Variants in TLN2 observed in about 807,000 individuals in gnomAD.
The protein encoded by TLN2 is talin-2.
In TLN2, 118 loss-of-function variants were observed where a neutral mutation model predicts 294.7. That is an observed-to-expected ratio of 0.40 (90% CI 0.34 to 0.47). The LOEUF is 0.47. TLN2 is among the 20% of genes least tolerant of loss of function. The pLI is 0.84. For missense variants in TLN2, 3,083 were observed against 3,282.2 expected (o/e 0.94, Z 1.48); for synonymous variants, 1,431 against 1,304.5 (o/e 1.10, Z -2.09).
At chr15:62,537,180 G>T (rs1421473048) in intron 1 of TLN2, among the ~76,000 whole-genome samples, 1 of 151,940 alleles carries the variant, frequency 6.6e-6, no homozygotes, top group South Asian at 2.1e-4. Context: ...CACCACGCCC[G>T]GCTAATATTT....
chr15:62,662,090 A>G (rs995913273), intron 9 of TLN2, among the ~76,000 whole-genome samples: 1 of 152,180 alleles, frequency 6.6e-6, no homozygotes, highest in African/African-American at 2.4e-5. Context: ...TTTAAAAGAA[A>G]GTAATGAAAT....
chr15:62,715,902 T>TA, intron 22 of TLN2, among the ~76,000 whole-genome samples: 1 of 152,338 alleles, frequency 6.6e-6, no homozygotes, highest in Admixed American at 6.5e-5. Context: ...ACTGGACTCT[T>TA]ACCCCTTCAC....
intron 1 of TLN2, among the ~76,000 whole-genome samples, chr15:62,412,554 T>C (rs776890978): frequency 3.3e-5 from 5 of 152,214 alleles, no homozygotes; most frequent in Admixed American, 1.3e-4. Flanking sequence ...TTGGCATCCA[T>C]TAACTCTGTC....
chr15:62,756,140 G>C (rs1186160818), intron 37 of TLN2, among the ~76,000 whole-genome samples: 1 of 152,186 alleles, frequency 6.6e-6, no homozygotes, highest in Non-Finnish European at 1.5e-5. Context: ...GAAGGGAATG[G>C]GAGATTGTGG....
rs10634187 is a variant in TLN2, at chr15:62,664,857, CAAAA to C, written c.788+6977_788+6980del. On this transcript the variant is annotated intron_variant, in intron 9 of 58. Transcript: ENST00000636159. ...CTGGGCAACAAGAGGGAAACTGTCTCAAAAAAAAAAAAAAAAAAAAAGTGGCTAC... is the reference window on the plus strand; with the variant it reads ...CTGGGCAACAAGAGGGAAACTGTCTCAAAAAAAAAAAAAAAAAGTGGCTAC... Among the ~76,000 whole-genome samples the C allele has an allele frequency of 4.1e-4, 12 of 29,232 alleles. 1 individual carries two copies. Among genetic ancestry groups the C allele is most frequent in the South Asian group, 2.4e-3 (1 of 424 alleles). 19.2% of individuals were successfully genotyped at this position (29,232 alleles called of 152,430 possible).
At chr15:62,660,425 C>G (rs565804753) in intron 9 of TLN2, among the ~76,000 whole-genome samples, 1 of 152,230 alleles carries the variant, frequency 6.6e-6, no homozygotes, top group African/African-American at 2.4e-5. Flanking sequence ...TAGAGAGAGA[C>G]AGAGACAAGG....
Position 62,756,972 on chromosome 15 carries a change from G to A in TLN2, c.4638+1279G>A, listed in dbSNP as rs142739343. On this transcript the variant is annotated intron_variant, in intron 37 of 58. Coordinates refer to ENST00000636159, the MANE Select transcript of TLN2 (RefSeq NM_015059.3). ...GTAAGCTCAGTTGAAGTTGAATAAA[G>A]CCAGTGTCCAGGTTCCCCATGATCC... Among the ~76,000 whole-genome samples, 316 of 152,266 alleles carry A rather than the reference G, an allele frequency of 2.1e-3. 1 individual carries two copies. Among genetic ancestry groups the A allele is most frequent in the African/African-American group, 7.5e-3 (310 of 41,562 alleles).
intron 1 of TLN2, among the ~76,000 whole-genome samples, chr15:62,484,689 T>G (rs2038292292): frequency 6.6e-6 from 1 of 152,034 alleles, no homozygotes; most frequent in Non-Finnish European, 1.5e-5. Flanking sequence ...CCTCCCAAAG[T>G]GCTGGGATTA....
At chr15:62,770,936 C>A (rs765731233) in intron 41 of TLN2, 28 bp from the exon 42 acceptor site, 13 of 1,555,674 alleles carry the variant, frequency 8.4e-6, no homozygotes, top group South Asian at 1.2e-5. Flanking sequence ...CATGATACAT[C>A]TCTGGCTTTT....
chr15:62,690,758 C>T (rs573947877), intron 12 of TLN2, among the ~76,000 whole-genome samples: 2 of 150,930 alleles, frequency 1.3e-5, no homozygotes, highest in East Asian at 3.9e-4. Flanking sequence ...CGTCTGCAAT[C>T]CCGGCACCTC....
At chr15:62,486,023 A>G (rs1224123436) in intron 1 of TLN2, among the ~76,000 whole-genome samples, 1 of 152,204 alleles carries the variant, frequency 6.6e-6, no homozygotes, top group Non-Finnish European at 1.5e-5. Context: ...TGTAAAAAAA[A>G]AATACAAAGA....
intron 1 of TLN2, among the ~76,000 whole-genome samples, chr15:62,523,764 A>G (rs2040587803): frequency 6.6e-6 from 1 of 152,252 alleles, no homozygotes; most frequent in Non-Finnish European, 1.5e-5. Flanking sequence ...GTGACAGTGT[A>G]CACACCTCAA....
intron 1 of TLN2, among the ~76,000 whole-genome samples, chr15:62,533,065 C>T (rs1205210660): frequency 6.6e-6 from 1 of 151,656 alleles, no homozygotes; most frequent in Non-Finnish European, 1.5e-5. Flanking sequence ...ACCAGCCTGG[C>T]CAAAGTGGTG....
At chr15:62,530,351 T>TATTCATTC (rs138448735) in intron 1 of TLN2, among the ~76,000 whole-genome samples, 3 of 152,032 alleles carry the variant, frequency 2.0e-5, no homozygotes, top group African/African-American at 7.3e-5. Flanking sequence ...TTTATTCATG[T>TATTCATTC]ATTCATTCAT....
At chr15:62,581,804 G>T (rs1016674385) in intron 1 of TLN2, among the ~76,000 whole-genome samples, 1 of 152,088 alleles carries the variant, frequency 6.6e-6, no homozygotes, top group Non-Finnish European at 1.5e-5. Flanking sequence ...AGCACTTTGG[G>T]AGGCCGAGGC....
At position 62,600,399 on chromosome 15, in the gene TLN2, T is replaced by C. The variant is rs926846074; in HGVS notation, c.-162+10637T>C. ...AAGGTGCCACATTAGAGGCCAGTAT[T>C]CTGTCTCCCAGTGAGTCCAGCAAGT... On this transcript the variant is annotated intron_variant, in intron 2 of 58. Transcript: ENST00000636159. Among the ~76,000 whole-genome samples, 12 of 152,342 alleles carry C rather than the reference T, an allele frequency of 7.9e-5. No individual in the cohort carries two copies. In the South Asian group the frequency reaches 8.3e-4, roughly 11 times the overall value.
At chr15:62,690,826 C>T (rs1399599099) in intron 12 of TLN2, among the ~76,000 whole-genome samples, 1 of 151,588 alleles carries the variant, frequency 6.6e-6, no homozygotes, top group African/African-American at 2.4e-5. Context: ...GCCCGGCCAA[C>T]ACAGCGAAAC....
chr15:62,575,901 A>G (rs1409708616), intron 1 of TLN2, among the ~76,000 whole-genome samples: 1 of 152,164 alleles, frequency 6.6e-6, no homozygotes, highest in East Asian at 1.9e-4. Flanking sequence ...ATATTTTCCC[A>G]ACTGTGTAGA....
intron 1 of TLN2, among the ~76,000 whole-genome samples, chr15:62,501,848 C>T (rs761012282): frequency 6.6e-6 from 1 of 152,026 alleles, no homozygotes; most frequent in African/African-American, 2.4e-5. Context: ...AAGCCTTATG[C>T]CTGATTTTTG....
Sources: allele counts gnomAD v4.1 joint callset (sites outside exome capture counted in the v4.1 genomes callset), GRCh38; gene constraint gnomAD v4.1.1; transcripts MANE v1.5; gene names NCBI Gene and HGNC (gene_info 2026-07-23, HGNC 2026-07-21).